The following STS variants were observed in gnomAD, a reference collection of about 807,000 sequenced individuals.
STS encodes the protein steryl-sulfatase.
In STS, 7 loss-of-function variants were observed where a neutral mutation model predicts 26.8. The ratio of observed to expected loss-of-function variants is 0.26; its 90% CI spans 0.15 to 0.49. The LOEUF (loss-of-function observed/expected upper bound fraction) is 0.49, where lower values mean the gene tolerates loss of function less well. Among genes scored for constraint, STS ranks in the 20% least tolerant of loss-of-function variants. STS has a pLI of 0.98. For missense variants in STS, 434 were observed against 465.6 expected (o/e 0.93, Z 0.63); for synonymous variants, 199 against 189.4 (o/e 1.05, Z -0.42).
chrX:7,258,007 ATGGG>A (rs1390394113), intron 5 of STS, among the ~76,000 whole-genome samples: 6 of 75,159 alleles, frequency 8.0e-5, no homozygotes, highest in African/African-American at 2.1e-4. Context: ...GGTGAGATAG[ATGGG>A]ATGGATGGAT....
chrX:7,303,110 T>C (rs1161742578), intron 7 of STS, among the ~76,000 whole-genome samples: 2 of 110,824 alleles, frequency 1.8e-5, no homozygotes, highest in Non-Finnish European at 3.8e-5. Flanking sequence ...AGGGACCCGG[T>C]GGGAGATAAT....
At chrX:7,259,227 C>T (rs1395992570) in intron 5 of STS, 122 bp from the exon 6 acceptor site, 3 of 748,132 alleles carry the variant, frequency 4.0e-6, no homozygotes, top group Admixed American at 2.5e-5. Flanking sequence ...GTCCTATGAG[C>T]GGGAAGGCTA....
At chrX:7,220,617 C>T (rs988220325) in intron 2 of STS, among the ~76,000 whole-genome samples, 3 of 98,839 alleles carry the variant, frequency 3.0e-5, no homozygotes, top group South Asian at 5.1e-4. Flanking sequence ...GGCGCGATCT[C>T]GGCTCACTGC....
At chrX:7,214,908 C>CATAT (rs200673083) in intron 2 of STS, among the ~76,000 whole-genome samples, 10 of 97,610 alleles carry the variant, frequency 1.0e-4, no homozygotes, top group African/African-American at 3.8e-4. Flanking sequence ...AGTATTCCAT[C>CATAT]ATATATATAT....
intron 9 of STS, among the ~76,000 whole-genome samples, chrX:7,327,717 G>A (rs1338332702): frequency 9.0e-6 from 1 of 111,175 alleles, no homozygotes; most frequent in Non-Finnish European, 1.9e-5. Context: ...TGCAGGGTAA[G>A]CGTTGAACTT....
intron 1 of STS, among the ~76,000 whole-genome samples, chrX:7,178,576 G>A (rs951564378): frequency 7.2e-5 from 8 of 111,506 alleles, no homozygotes; most frequent in African/African-American, 2.6e-4. Context: ...CATTCTCAAG[G>A]GCTGAGCTCC....
chrX:7,341,122 G>A (rs752209546), intron 10 of STS, among the ~76,000 whole-genome samples: 17 of 111,460 alleles, frequency 1.5e-4, no homozygotes, highest in Non-Finnish European at 2.6e-4. Flanking sequence ...GTAGAAGGTC[G>A]CATTACTGGC....
chrX:7,291,188 C>T (rs771822258), intron 7 of STS, among the ~76,000 whole-genome samples: 75 of 111,479 alleles, frequency 6.7e-4, no homozygotes, highest in Non-Finnish European at 9.0e-4. Context: ...TCCAACAAGC[C>T]TCGTGGAGTA....
At chrX:7,285,810 C>CA (rs1300078084) in intron 7 of STS, among the ~76,000 whole-genome samples, 2 of 111,524 alleles carry the variant, frequency 1.8e-5, no homozygotes, top group African/African-American at 3.3e-5. Flanking sequence ...AATTAAACTA[C>CA]AAAAAAAATC....
intron 1 of STS, among the ~76,000 whole-genome samples, chrX:7,158,358 G>A (rs1256283649): frequency 3.6e-5 from 4 of 111,770 alleles, no homozygotes; most frequent in Non-Finnish European, 7.5e-5. Flanking sequence ...AAAATCTGCT[G>A]GGATGAGGAG....
chrX:7,169,625 T>C (rs1427769408), intron 1 of STS, among the ~76,000 whole-genome samples: 2 of 112,182 alleles, frequency 1.8e-5, no homozygotes, highest in Non-Finnish European at 3.8e-5. Flanking sequence ...CAAGTTTTAC[T>C]ATCTCTTAGT....
chrX:7,287,047 G>T (rs1240297456), intron 7 of STS, among the ~76,000 whole-genome samples: 1 of 111,564 alleles, frequency 9.0e-6, no homozygotes, highest in African/African-American at 3.3e-5. Flanking sequence ...GGAGACAGTA[G>T]CTATGAGATG....
chrX:7,221,051 A>G (rs1921542593), intron 2 of STS, among the ~76,000 whole-genome samples: 1 of 112,269 alleles, frequency 8.9e-6, no homozygotes, highest in African/African-American at 3.2e-5. Flanking sequence ...TATTAACTTC[A>G]GTCTTCTCAG....
intron 9 of STS, among the ~76,000 whole-genome samples, 181 bp downstream of exon 9, chrX:7,325,679 G>A (rs1031608631): frequency 3.6e-5 from 4 of 112,617 alleles, no homozygotes; most frequent in Non-Finnish European, 5.6e-5. Flanking sequence ...TACTTAATGT[G>A]TACACAGCAG....
chrX:7,279,311 A>ATGTGTGTGTGTGTGTGTGTGTGTG (rs532132394), intron 7 of STS, among the ~76,000 whole-genome samples: 2 of 78,115 alleles, frequency 2.6e-5, no homozygotes, highest in Middle Eastern at 7.4e-3. Flanking sequence ...ATATATATAT[A>ATGTGTGTGTGTGTGTGTGTGTGTG]TGTGTGTGTG....
At chrX:7,167,477 A>G (rs1360174778) in intron 1 of STS, among the ~76,000 whole-genome samples, 1 of 111,771 alleles carries the variant, frequency 8.9e-6, no homozygotes, top group Non-Finnish European at 1.9e-5. Context: ...CGGCCTTCCA[A>G]AGTGCTGGGA....
rs1928784764 is a variant in STS, at chrX:7,351,246, G to A, written c.*985G>A. 9.0e-6 allele frequency: 1 copy of A among 111,708 alleles called. No individual in the cohort carries two copies. The highest frequency in any genetic ancestry group is 3.3e-5 in the African/African-American group (1 of 30,690). 9.2% of individuals were successfully genotyped at this position (111,708 alleles called of 1,213,427 possible). ...TAGAAAGTCTCTGATATTTGGAGGG[G>A]AACAAAAATCACTCACAAGCAATCC... On this transcript the variant is annotated 3_prime_UTR_variant, in exon 11 of 11. Coordinates refer to ENST00000674429, the MANE Select transcript of STS (RefSeq NM_001320752.2).
chrX:7,342,587 C>T (rs1270795336), intron 10 of STS, among the ~76,000 whole-genome samples: 1 of 112,431 alleles, frequency 8.9e-6, no homozygotes, highest in Non-Finnish European at 1.9e-5. Context: ...CTTCCTCATC[C>T]TTCTCACTGT....
Position 7,147,894 on chromosome X carries a change from A to C in STS, c.-323A>C, listed in dbSNP as rs1439053979. ...CGCGGGCGCTCCTGGCCGCCGCCCG[A>C]CTTCGGGGCCAGCCGGGGGCAGAGC... On this transcript the variant is annotated 5_prime_UTR_variant, in exon 1 of 11. Coordinates refer to ENST00000674429, the MANE Select transcript of STS (RefSeq NM_001320752.2). The C allele has an allele frequency of 2.7e-5, 8 of 295,417 alleles. 1 individual carries two copies. Among genetic ancestry groups the C allele is most frequent in the Non-Finnish European group, 4.6e-5 (8 of 174,138 alleles). The allele number at this position is 295,417 out of a possible 1,213,427, so 24.3% of individuals were successfully genotyped here. A position where few individuals can be genotyped will look rare whatever the true frequency, so the allele number is the denominator to read the frequency against.
Sources: allele counts gnomAD v4.1 joint callset (sites outside exome capture counted in the v4.1 genomes callset), GRCh38; gene constraint gnomAD v4.1.1; transcripts MANE v1.5; gene names NCBI Gene and HGNC (gene_info 2026-07-23, HGNC 2026-07-21).